CNOT2: variants seen among roughly 807,000 people sequenced by gnomAD.
CNOT2 encodes CCR4-NOT transcription complex subunit 2.
Under a neutral mutation model 72.1 loss-of-function variants are expected in CNOT2, and 7 were observed. That is an observed-to-expected ratio of 0.10 (90% CI 0.06 to 0.18). CNOT2 has a LOEUF of 0.18. Ranked by LOEUF, CNOT2 falls within the 10% of genes least tolerant of loss-of-function variation. The pLI is 1.00. For synonymous variants in CNOT2, 196 were observed against 225.6 expected, an observed-to-expected ratio of 0.87 and a Z score of 1.17; for missense variants, 345 against 660.3, an observed-to-expected ratio of 0.52 and a Z score of 5.23.
intron 1 of CNOT2, among the ~76,000 whole-genome samples, chr12:70,247,555 ACTT>A (rs907592146): frequency 2.6e-5 from 4 of 152,086 alleles, no homozygotes; most frequent in South Asian, 2.1e-4. Context: ...TGTTTGATGA[ACTT>A]CTTCCATACT....
chr12:70,309,227 A>AAC (rs1402262371), intron 2 of CNOT2, among the ~76,000 whole-genome samples: 1 of 152,288 alleles, frequency 6.6e-6, no homozygotes, highest in African/African-American at 2.4e-5. Flanking sequence ...TTCCCAAAAA[A>AAC]AGATTAAGTA....
chr12:70,308,729 A>T (rs1482173812), intron 2 of CNOT2, among the ~76,000 whole-genome samples: 1 of 152,110 alleles, frequency 6.6e-6, no homozygotes, highest in Non-Finnish European at 1.5e-5. Flanking sequence ...TAAGCATAAA[A>T]ATTTTAATTC....
intron 9 of CNOT2, chr12:70,337,785 A>G (rs1459978658): frequency 2.0e-6 from 1 of 498,038 alleles, no homozygotes; most frequent in Non-Finnish European, 3.9e-6. Context: ...ATGAAGTTTG[A>G]TAATATAGCC....
intron 2 of CNOT2, among the ~76,000 whole-genome samples, chr12:70,291,548 G>A (rs1375543649): frequency 1.3e-5 from 2 of 152,176 alleles, no homozygotes; most frequent in Non-Finnish European, 2.9e-5. Flanking sequence ...CTTTGACACC[G>A]TGTTCATAGT....
chr12:70,351,636 A>G (rs1276172179), intron 15 of CNOT2, among the ~76,000 whole-genome samples: 1 of 152,214 alleles, frequency 6.6e-6, no homozygotes, highest in Admixed American at 6.5e-5. Context: ...TAGTTCATCA[A>G]TGTGAAAAAT....
chr12:70,332,190 CATATTTA>C (rs1470108642), intron 6 of CNOT2, among the ~76,000 whole-genome samples: 1 of 151,684 alleles, frequency 6.6e-6, no homozygotes, highest in African/African-American at 2.4e-5. Flanking sequence ...CAGGTCACTA[CATATTTA>C]TTGAATGTCT....
chr12:70,320,521 A>G (rs796822944), intron 4 of CNOT2, among the ~76,000 whole-genome samples: 3 of 151,752 alleles, frequency 2.0e-5, no homozygotes, highest in Non-Finnish European at 4.4e-5. Context: ...TTAAACCAAG[A>G]AACGTATTTC....
intron 8 of CNOT2, 55 bp from the exon 9 acceptor site, chr12:70,337,334 T>C (rs1292991892): frequency 6.7e-7 from 1 of 1,487,324 alleles, no homozygotes; most frequent in Non-Finnish European, 9.3e-7. Flanking sequence ...TTATAATCTG[T>C]AGCAAAATAT....
intron 2 of CNOT2, among the ~76,000 whole-genome samples, chr12:70,283,651 A>AAC (rs1297607220): frequency 1.5e-3 from 199 of 133,932 alleles, no homozygotes; most frequent in African/African-American, 4.9e-3. Flanking sequence ...TGAGTTTAAA[A>AAC]AAAAAAAAAA....
intron 2 of CNOT2, among the ~76,000 whole-genome samples, chr12:70,296,788 A>C (rs1872883153): frequency 6.9e-6 from 1 of 145,410 alleles, no homozygotes; most frequent in Non-Finnish European, 1.5e-5. Flanking sequence ...GTTTTTCAAG[A>C]ATTAAATAAA....
At chr12:70,293,008 ATATC>A (rs2135874471) in intron 2 of CNOT2, among the ~76,000 whole-genome samples, 1 of 152,288 alleles carries the variant, frequency 6.6e-6, no homozygotes, top group Non-Finnish European at 1.5e-5. Context: ...ACCTTCAATA[ATATC>A]TATTTATGCT....
chr12:70,350,453 C>T (rs1276273992), intron 15 of CNOT2, among the ~76,000 whole-genome samples: 1 of 152,136 alleles, frequency 6.6e-6, no homozygotes, highest in Non-Finnish European at 1.5e-5. Context: ...TAGTTTGCTA[C>T]TTCCTAAAAT....
intron 14 of CNOT2, chr12:70,345,963 TATTA>T (rs566428311): frequency 8.7e-5 from 38 of 434,712 alleles, no homozygotes; most frequent in African/African-American, 4.7e-4. Context: ...AAAGTGTGTG[TATTA>T]ATTAGTGTGC....
chr12:70,295,627 C>G lies in CNOT2; in HGVS notation c.49-15268C>G, dbSNP rs550165860. On this transcript the variant is annotated intron_variant, in intron 2 of 15. Coordinates refer to ENST00000229195, the MANE Select transcript of CNOT2 (RefSeq NM_014515.7). ...CCATTTGTATTTTATAGTTTTACAT[C>G]CTAATATTTAAAGATAAAGTACTAC... 2.0e-5 allele frequency among the ~76,000 whole-genome samples: 3 copies of G among 152,094 alleles called. No individual in the cohort carries two copies. The East Asian group carries it at 5.8e-4, about 29-fold the overall frequency.
At chr12:70,299,381 AC>A (rs71098087) in intron 2 of CNOT2, among the ~76,000 whole-genome samples, 14,380 of 42,936 alleles carry the variant, frequency 0.33, 1,006 homozygotes, top group Non-Finnish European at 0.41. Flanking sequence ...CCCTCCCCCC[AC>A]CCCCCAACAG....
intron 4 of CNOT2, among the ~76,000 whole-genome samples, chr12:70,325,235 G>A (rs1345287363): frequency 6.6e-6 from 1 of 151,838 alleles, no homozygotes; most frequent in Non-Finnish European, 1.5e-5. Flanking sequence ...TAAAATGCTT[G>A]TTAAGGTTAG....
chr12:70,298,120 C>T (rs565945133), intron 2 of CNOT2, among the ~76,000 whole-genome samples: 2 of 152,296 alleles, frequency 1.3e-5, no homozygotes, highest in South Asian at 4.1e-4. Flanking sequence ...CTGTAAAATA[C>T]ATGTGATTAG....
At chr12:70,256,868 A>G (rs1463047516) in intron 1 of CNOT2, among the ~76,000 whole-genome samples, 1 of 152,144 alleles carries the variant, frequency 6.6e-6, no homozygotes, top group Non-Finnish European at 1.5e-5. Context: ...GAAAGTTTGC[A>G]TTTTTGTGAT....
chr12:70,267,865 A>T (rs1326760040), intron 1 of CNOT2, among the ~76,000 whole-genome samples: 2 of 152,370 alleles, frequency 1.3e-5, no homozygotes. Context: ...GAATACTGCC[A>T]CATTTGTTAG....
Sources: allele counts gnomAD v4.1 joint callset (sites outside exome capture counted in the v4.1 genomes callset), GRCh38; gene constraint gnomAD v4.1.1; transcripts MANE v1.5; gene names NCBI Gene and HGNC (gene_info 2026-07-23, HGNC 2026-07-21).